Variants in VWA5B2 observed in about 807,000 individuals in gnomAD.
VWA5B2 encodes von Willebrand factor A domain-containing protein 5B2.
Under a neutral mutation model 118.5 loss-of-function variants are expected in VWA5B2, and 93 were observed. The ratio of observed to expected loss-of-function variants is 0.79; its 90% CI spans 0.66 to 0.93. VWA5B2 has a LOEUF of 0.93. VWA5B2 is among the 40% of genes least tolerant of loss of function. The probability of loss-of-function intolerance (pLI) is 0.00; values close to 1 mark genes in which losing one functional copy is unlikely to be tolerated. For missense variants in VWA5B2, 1,546 were observed against 1,672.8 expected (o/e 0.92, Z 1.32); for synonymous variants, 708 against 716.3 (o/e 0.99, Z 0.19).
Position 184,230,576 on chromosome 3 carries a change from G to T in VWA5B2, c.48G>T (p.Thr16=). 6.8e-7 allele frequency: 1 copy of T among 1,479,542 alleles called. No individual in the cohort carries two copies. The highest frequency in any genetic ancestry group is 2.3e-4 in the Middle Eastern group (1 of 4,354). 91.7% of individuals were successfully genotyped at this position (1,479,542 alleles called of 1,614,324 possible). A position where few individuals can be genotyped will look rare whatever the true frequency, so the allele number is the denominator to read the frequency against. ...CCAGCTGGACGCCGCTGCCGCTCAC[G>T]GACTCCTGGGTCCGGGCCTGCGCCA... ...CPSSWTPLPL[T]DSWVRACANG... Residue 16 remains threonine, a synonymous_variant, in exon 2 of 20, where the codon ACG becomes ACT. Coordinates refer to ENST00000691901, the MANE Select transcript of VWA5B2 (RefSeq NM_001390846.1).
At position 184,236,748 on chromosome 3, in the gene VWA5B2, T is replaced by C. The variant is rs1288668001; in HGVS notation, c.1532T>C (p.Met511Thr). 1 of 1,521,910 alleles carries C rather than the reference T, an allele frequency of 6.6e-7. No homozygotes were observed. Among genetic ancestry groups the C allele is most frequent in the Non-Finnish European group, 8.8e-7 (1 of 1,131,080 alleles). 94.3% of individuals were successfully genotyped at this position (1,521,910 alleles called of 1,614,324 possible). Residue 511 changes from methionine to threonine, a missense_variant and splice_region_variant, in exon 11 of 20, where the codon ATG becomes ACG. By Grantham distance (81) the Met-to-Thr change is moderately conservative. Transcript: ENST00000691901. ...FLRPGQRLQP[M>T]LVQALRKALE... ...AGGCCTGGGCAGAGGCTGCAGCCCATGGTGAGCTTGAGCCTGGGCCCTGTT... is the reference window on the plus strand; with the variant it reads ...AGGCCTGGGCAGAGGCTGCAGCCCACGGTGAGCTTGAGCCTGGGCCCTGTT...
chr3:184,239,665 G>A lies in VWA5B2; in HGVS notation c.2393-24G>A. On this transcript the variant is annotated intron_variant, in intron 15 of 19. Coordinates refer to ENST00000691901, the MANE Select transcript of VWA5B2 (RefSeq NM_001390846.1). The surrounding 1 kb of genome is among the most constrained non-coding windows in gnomAD (Gnocchi z 5.1). Reference sequence around the variant, plus strand: ...AAGCCCAGAGGACCACTCTGCCCATGCCCCTGCTGTCTTGCCTCCCCAGGA... The same window carrying A: ...AAGCCCAGAGGACCACTCTGCCCATACCCCTGCTGTCTTGCCTCCCCAGGA... 1.4e-6 allele frequency: 2 copies of A among 1,467,042 alleles called. No individual in the cohort carries two copies. Among genetic ancestry groups the A allele is most frequent in the African/African-American group, 1.4e-5 (1 of 70,746 alleles). The allele number at this position is 1,467,042 out of a possible 1,614,324, so 90.9% of individuals were successfully genotyped here. A position where few individuals can be genotyped will look rare whatever the true frequency, so the allele number is the denominator to read the frequency against.
chr3:184,238,522 G>A lies in VWA5B2; in HGVS notation c.1892-41G>A, dbSNP rs1289152048. 29 of 1,535,216 alleles carry A rather than the reference G, an allele frequency of 1.9e-5. No individual in the cohort carries two copies. Among genetic ancestry groups the A allele is most frequent in the Non-Finnish European group, 2.4e-5 (27 of 1,134,734 alleles). ...GTGGCTGTATTGGAGTGGGCGCTGG[G>A]AGGGGTCAGGGCTAGGGCCCATTCT... On this transcript the variant is annotated intron_variant, in intron 13 of 19. Transcript: ENST00000691901. The surrounding 1 kb of genome is among the most constrained non-coding windows in gnomAD (Gnocchi z 5.0).
In VWA5B2 at chr3:184,230,655, C is replaced by A; in HGVS notation, c.127C>A (p.Gln43Lys). ...GCTCACCTACCGCAACCCGCAGCCGCAGCCGGTGGACGGTGAGGCCCGGGT... is the reference window on the plus strand; with the variant it reads ...GCTCACCTACCGCAACCCGCAGCCGAAGCCGGTGGACGGTGAGGCCCGGGT... The part of the protein sequence containing the change: ...ARLTYRNPQP[Q>K]PVDGVFVYPL... The change falls in exon 2 of 20, where the codon CAG becomes AAG. Residue 43 changes from glutamine to lysine, a missense_variant. By Grantham distance (53) the Gln-to-Lys change is moderately conservative (BLOSUM62 1). Transcript: ENST00000691901. The A allele has an allele frequency of 7.5e-7, 1 of 1,326,922 alleles. No individual in the cohort carries two copies. Among genetic ancestry groups the A allele is most frequent in the Non-Finnish European group, 9.6e-7 (1 of 1,042,178 alleles). 82.2% of individuals were successfully genotyped at this position (1,326,922 alleles called of 1,614,324 possible). A position where few individuals can be genotyped will look rare whatever the true frequency, so the allele number is the denominator to read the frequency against.
In VWA5B2 at chr3:184,233,367, C is replaced by T. The variant is rs1717598115; in HGVS notation, c.500C>T (p.Pro167Leu). Residue 167 changes from proline (P) to leucine (L), a missense_variant, in exon 4 of 20, where the codon CCC becomes CTC. Around this residue, in one of 3 missense-constraint regions of VWA5B2, gnomAD observed 775 missense variants for 882.3 expected, o/e 0.88. Coordinates refer to ENST00000691901, the MANE Select transcript of VWA5B2 (RefSeq NM_001390846.1). The surrounding 1 kb of genome is among the most constrained non-coding windows in gnomAD (Gnocchi z 5.2). ...TPLAPPGPPG[P>L]PRPPGLCDDS... The stretch of plus-strand genomic sequence containing the variant: ...CTGGCCCCGCCAGGCCCGCCGGGGC[C>T]CCCCAGGCCTCCGGGGCTCTGTGAC... 1.3e-6 allele frequency: 2 copies of T among 1,539,770 alleles called. No individual in the cohort carries two copies. The highest frequency in any genetic ancestry group is 1.8e-6 in the Non-Finnish European group (2 of 1,142,682).
rs1577087177 is a variant in VWA5B2 at position 184,233,757 on chromosome 3, C to T, written c.688+24C>T. 32 of 1,548,050 alleles carry T rather than the reference C, an allele frequency of 2.1e-5. No individual in the cohort carries two copies. The highest frequency in any genetic ancestry group is 2.7e-5 in the Non-Finnish European group (31 of 1,146,152). ...AGGTGGGTGCATCTGGCTGGCCTGC[C>T]CTCTTTTCAGATGCCCACTCCACCC... On this transcript the variant is annotated intron_variant, in intron 5 of 19. Coordinates refer to ENST00000691901, the MANE Select transcript of VWA5B2 (RefSeq NM_001390846.1). This position sits in a 1 kb window ranked among gnomAD's most constrained non-coding sequence, Gnocchi z 5.2.
At position 184,239,653 on chromosome 3, in the gene VWA5B2, C is replaced by T. The variant is rs1386150882; in HGVS notation, c.2393-36C>T. The T allele has an allele frequency of 1.4e-6, 2 of 1,468,738 alleles. No homozygotes were observed. Among genetic ancestry groups the T allele is most frequent in the Non-Finnish European group, 1.8e-6 (2 of 1,102,958 alleles). 91.0% of individuals were successfully genotyped at this position (1,468,738 alleles called of 1,614,324 possible). On this transcript the variant is annotated intron_variant, in intron 15 of 19. Transcript: ENST00000691901. The surrounding 1 kb of genome is among the most constrained non-coding windows in gnomAD (Gnocchi z 5.1). ...CTTGGGGAGGTAAAGCCCAGAGGAC[C>T]ACTCTGCCCATGCCCCTGCTGTCTT... is the stretch of plus-strand genomic sequence containing the variant.
rs1320169881 is a variant in VWA5B2 at position 184,238,663 on chromosome 3, G to A, written c.1992G>A (p.Gln664=). Residue 664 remains glutamine (Q), a synonymous_variant, in exon 14 of 20, where the codon CAG becomes CAA. Coordinates refer to ENST00000691901, the MANE Select transcript of VWA5B2 (RefSeq NM_001390846.1). This position sits in a 1 kb window ranked among gnomAD's most constrained non-coding sequence, Gnocchi z 5.0. ...TTCAGTCCTCGTACATTCGGGAGCA[G>A]TATGTGCTCACCCACTGCTCTGCCA... ...RIFQSSYIRE[Q]YVLTHCSASP... 1 of 1,551,558 alleles carries A rather than the reference G, an allele frequency of 6.4e-7. No homozygotes were observed. Among genetic ancestry groups the A allele is most frequent in the Non-Finnish European group, 8.7e-7 (1 of 1,147,036 alleles).
At position 184,238,743 on chromosome 3, in the gene VWA5B2, G is replaced by C; in HGVS notation, c.2072G>C (p.Gly691Ala). 6.4e-7 allele frequency: 1 copy of C among 1,550,902 alleles called. No homozygotes were observed. Residue 691 changes from glycine to alanine, a missense_variant, in exon 14 of 20, where the codon GGC becomes GCC. Transcript: ENST00000691901. The surrounding 1 kb of genome is among the most constrained non-coding windows in gnomAD (Gnocchi z 5.0). ...AGCAGTGAGTCCCCAGGCTCACAGG[G>C]CCCTGGCTCCCCCGAAGGTAGTGCT... ...TGSSESPGSQ[G>A]PGSPEGSAPL...
chr3:184,236,022 AG>A (rs1464765147), intron 8 of VWA5B2, 129 bp from the exon 9 acceptor site: 1 of 817,794 alleles, frequency 1.2e-6, no homozygotes, highest in Admixed American at 2.2e-5. Context: ...CCTCACACCC[AG>A]GGCCTCTCCC....
At position 184,237,481 on chromosome 3, in the gene VWA5B2, C is replaced by T. The variant is rs936040622; in HGVS notation, c.1719+70C>T. On this transcript the variant is annotated intron_variant, in intron 12 of 19. Coordinates refer to ENST00000691901, the MANE Select transcript of VWA5B2 (RefSeq NM_001390846.1). This position sits in a 1 kb window ranked among gnomAD's most constrained non-coding sequence, Gnocchi z 5.6. The stretch of plus-strand genomic sequence containing the variant: ...GGGGGCCTGGGATGGCTGAAGTCCC[C>T]GCATCTCTTCCAAACCCTTTTTCCA... 2.3e-5 allele frequency: 33 copies of T among 1,438,332 alleles called. No homozygotes were observed. The highest frequency in any genetic ancestry group is 9.3e-5 in the South Asian group (7 of 74,936). 89.1% of individuals were successfully genotyped at this position (1,438,332 alleles called of 1,614,324 possible).
chr3:184,240,722 A>G (rs1331473957), intron 16 of VWA5B2, 69 bp from the exon 17 acceptor site: 6 of 1,522,216 alleles, frequency 3.9e-6, no homozygotes, highest in Middle Eastern at 2.4e-4. Flanking sequence ...GAACACTGCA[A>G]TTTTTTCTAT....
chr3:184,236,947 T>C (rs776967069), intron 11 of VWA5B2, among the ~76,000 whole-genome samples, 198 bp downstream of exon 11: 22 of 152,182 alleles, frequency 1.4e-4, no homozygotes, highest in Non-Finnish European at 2.9e-4. Context: ...GACCACCCTC[T>C]GAATCCCATT....
chr3:184,239,246 T>C lies in VWA5B2; in HGVS notation c.2203-148T>C, dbSNP rs1718310860. The C allele has an allele frequency of 1.2e-6, 1 of 827,076 alleles. No homozygotes were observed. Among genetic ancestry groups the C allele is most frequent in the African/African-American group, 1.7e-5 (1 of 57,278 alleles). The allele number at this position is 827,076 out of a possible 1,614,324, so 51.2% of individuals were successfully genotyped here. On this transcript the variant is annotated intron_variant, in intron 14 of 19. Transcript: ENST00000691901. This position sits in a 1 kb window ranked among gnomAD's most constrained non-coding sequence, Gnocchi z 5.1. Reference sequence around the variant, plus strand: ...AAGGGGCCAAGGCCAGAGGTCACTGTAGGCCATAAGGAACTTGGCCTTCCT... The same window carrying C: ...AAGGGGCCAAGGCCAGAGGTCACTGCAGGCCATAAGGAACTTGGCCTTCCT...
chr3:184,236,369 C>T lies in VWA5B2; in HGVS notation c.1239C>T (p.Ser413=). 6.5e-7 allele frequency: 1 copy of T among 1,546,904 alleles called. No homozygotes were observed. Among genetic ancestry groups the T allele is most frequent in the Non-Finnish European group, 8.7e-7 (1 of 1,143,674 alleles). ...SDDAVQLICE[S]IETLQVPSGP... is the part of the protein sequence containing the mutation. ...ATGCTGTGCAGCTGATCTGCGAGAG[C>T]ATTGAGACCCTGCAGGTTCCGAGTG... Residue 413 remains serine (S), a synonymous_variant, in exon 10 of 20, where the codon AGC becomes AGT. Transcript: ENST00000691901.
chr3:184,236,584 T>C, intron 10 of VWA5B2, 33 bp downstream of exon 10: 2 of 1,548,102 alleles, frequency 1.3e-6, no homozygotes, highest in Non-Finnish European at 1.7e-6. Context: ...TGCGTAAGAC[T>C]GAGCCCCCAC....
Position 184,233,019 on chromosome 3 carries a change from T to C in VWA5B2, c.311-159T>C. On this transcript the variant is annotated intron_variant, in intron 3 of 19. Transcript: ENST00000691901. This position sits in a 1 kb window ranked among gnomAD's most constrained non-coding sequence, Gnocchi z 5.2. ...AGTCTGCCTCTCCTGCCATCATTCA[T>C]CTCATGCCTCCATCCTGCGTCACCA... is the stretch of plus-strand genomic sequence containing the variant. 3.1e-6 allele frequency: 2 copies of C among 639,420 alleles called. No individual in the cohort carries two copies. The highest frequency in any genetic ancestry group is 3.9e-5 in the South Asian group (2 of 51,634). 39.6% of individuals were successfully genotyped at this position (639,420 alleles called of 1,614,324 possible). A position where few individuals can be genotyped will look rare whatever the true frequency, so the allele number is the denominator to read the frequency against.
Position 184,239,825 on chromosome 3 carries a change from C to G in VWA5B2, c.2529C>G (p.Ile843Met). The G allele has an allele frequency of 6.4e-7, 1 of 1,551,252 alleles. No individual in the cohort carries two copies. The highest frequency in any genetic ancestry group is 8.7e-7 in the Non-Finnish European group (1 of 1,146,688). Residue 843 changes from isoleucine (I) to methionine (M), a missense_variant, in exon 16 of 20, where the codon ATC becomes ATG. By Grantham distance (10) the Ile-to-Met change is conservative. Around this residue, in one of 3 missense-constraint regions of VWA5B2, gnomAD observed 763 missense variants for 766.6 expected, o/e 1.00. Transcript: ENST00000691901. The surrounding 1 kb of genome is among the most constrained non-coding windows in gnomAD (Gnocchi z 5.1). ...AGGCTCCACGCTGCCATGTGGTGAT[C>G]CGGGGCCTGTGTGGGGAGCAGCCCA... ...PPQAPRCHVV[I>M]RGLCGEQPMC...
rs765446998 is a variant in VWA5B2, at chr3:184,230,515, G to T, written c.-14G>T. ...TTCCCCGGCCCGTTCCCGCAGGGCCGGCCTCCCGGCGCCATGCCCGGCCTG... is the reference window on the plus strand; with the variant it reads ...TTCCCCGGCCCGTTCCCGCAGGGCCTGCCTCCCGGCGCCATGCCCGGCCTG... On this transcript the variant is annotated 5_prime_UTR_variant, in exon 2 of 20. Transcript: ENST00000691901. 1.4e-6 allele frequency: 2 copies of T among 1,452,678 alleles called. No individual in the cohort carries two copies. The highest frequency in any genetic ancestry group is 5.4e-5 in the Admixed American group (2 of 37,074). 90.0% of individuals were successfully genotyped at this position (1,452,678 alleles called of 1,614,324 possible).
Sources: allele counts gnomAD v4.1 joint callset (sites outside exome capture counted in the v4.1 genomes callset), GRCh38; gene constraint gnomAD v4.1.1; regional missense constraint gnomAD v4.1.1; non-coding constraint Gnocchi (gnomAD v3.1); transcripts MANE v1.5; gene names NCBI Gene and HGNC (gene_info 2026-07-23, HGNC 2026-07-21).